Variants in SRGAP3 observed in about 807,000 individuals in gnomAD.
The protein encoded by SRGAP3 is SLIT-ROBO Rho GTPase-activating protein 3.
In SRGAP3, 39 loss-of-function variants were observed where a neutral mutation model predicts 121.1. The observed-to-expected ratio is 0.32, with a 90% CI of 0.25 to 0.42. The LOEUF is 0.42. Ranked by LOEUF, SRGAP3 falls within the 10% of genes least tolerant of loss-of-function variation. The pLI is 1.00. For missense variants in SRGAP3, 1,213 were observed against 1,470.6 expected, an observed-to-expected ratio of 0.82 and a Z score of 2.86; for synonymous variants, 601 against 570.0, an observed-to-expected ratio of 1.05 and a Z score of -0.77.
chr3:9,142,829 CTTTTTTTTTTTT>C (rs397795766), intron 1 of SRGAP3, among the ~76,000 whole-genome samples: 2 of 90,832 alleles, frequency 2.2e-5, no homozygotes, highest in East Asian at 3.5e-4. Flanking sequence ...GGGCAATTTC[CTTTTTTTTTTTT>C]TTTTTTTTTT....
chr3:9,300,459 CT>C (rs1955037560), intron 3 of SRGAP3, among the ~76,000 whole-genome samples: 3 of 152,096 alleles, frequency 2.0e-5, no homozygotes, highest in South Asian at 4.2e-4. Context: ...CCCTGTGCTC[CT>C]TTGGGCACCT....
chr3:9,209,895 G>T (rs1952388662), intron 1 of SRGAP3, among the ~76,000 whole-genome samples: 1 of 152,160 alleles, frequency 6.6e-6, no homozygotes, highest in Non-Finnish European at 1.5e-5. Context: ...CAATCCAAAT[G>T]TCTACCAACT....
At chr3:9,330,789 G>A (rs1243990942) in intron 1 of SRGAP3, among the ~76,000 whole-genome samples, 2 of 152,190 alleles carry the variant, frequency 1.3e-5, no homozygotes, top group Non-Finnish European at 2.9e-5. Context: ...TACAGAAACA[G>A]TGAGATTGAT....
At chr3:9,130,993 T>C (rs1324018564) in intron 1 of SRGAP3, among the ~76,000 whole-genome samples, 1 of 152,154 alleles carries the variant, frequency 6.6e-6, no homozygotes, top group Non-Finnish European at 1.5e-5. Context: ...CAAAATCAAG[T>C]CCTTCTTGCA....
chr3:9,028,231 C>A (rs926194829), intron 12 of SRGAP3: 8 of 1,517,040 alleles, frequency 5.3e-6, no homozygotes, highest in Non-Finnish European at 6.4e-6. Context: ...AGTCCGTGAA[C>A]GCCGAAATGC....
At chr3:9,124,618 C>T in intron 2 of SRGAP3, 107 bp downstream of exon 2, 1 of 1,433,046 alleles carries the variant, frequency 7.0e-7, no homozygotes, top group Admixed American at 1.7e-5. Flanking sequence ...GAAGGCACAC[C>T]CTCTGCCTCC....
chr3:9,268,797 G>C (rs1954418265), intron 3 of SRGAP3, among the ~76,000 whole-genome samples: 1 of 152,116 alleles, frequency 6.6e-6, no homozygotes, highest in Non-Finnish European at 1.5e-5. Flanking sequence ...TGTAAATCAG[G>C]TCACACTGGC....
intron 1 of SRGAP3, among the ~76,000 whole-genome samples, chr3:9,335,581 C>T (rs78098443): frequency 1.4e-3 from 217 of 152,292 alleles, no homozygotes; most frequent in African/African-American, 5.1e-3. Flanking sequence ...TCCTTTTGGA[C>T]AGTAGTTCTC....
At chr3:9,264,817 G>C in intron 3 of SRGAP3, among the ~76,000 whole-genome samples, 1 of 150,310 alleles carries the variant, frequency 6.7e-6, no homozygotes, top group East Asian at 1.9e-4. Context: ...TATAGATTCA[G>C]TGCTATTCCC....
chr3:9,067,588 G>C (rs554539416), intron 4 of SRGAP3, among the ~76,000 whole-genome samples: 1 of 152,234 alleles, frequency 6.6e-6, no homozygotes, highest in African/African-American at 2.4e-5. Context: ...GATAATCAAA[G>C]CAGGCGCCTA....
At chr3:9,197,592 T>C (rs1468809302) in intron 1 of SRGAP3, among the ~76,000 whole-genome samples, 1 of 152,204 alleles carries the variant, frequency 6.6e-6, no homozygotes, top group African/African-American at 2.4e-5. Flanking sequence ...ATGGGTATTA[T>C]TATTTAACAG....
At chr3:9,090,794 A>G (rs1485747280) in intron 3 of SRGAP3, among the ~76,000 whole-genome samples, 1 of 151,908 alleles carries the variant, frequency 6.6e-6, no homozygotes, top group Admixed American at 6.6e-5. Flanking sequence ...GCACCACCAC[A>G]CCTAGCTAAT....
chr3:9,192,519 C>T (rs1951784675), intron 1 of SRGAP3: 1 of 152,186 alleles, frequency 6.6e-6, no homozygotes, highest in Non-Finnish European at 1.5e-5. Context: ...TTTTGTCACA[C>T]ATCATTGCTG....
chr3:9,014,145 T>C, intron 15 of SRGAP3: 1 of 447,542 alleles, frequency 2.2e-6, no homozygotes, highest in South Asian at 2.1e-5. Flanking sequence ...TGGAGCACAG[T>C]GGGGGCCCCT....
intron 14 of SRGAP3, among the ~76,000 whole-genome samples, chr3:9,018,103 A>C (rs554756604): frequency 1.3e-5 from 2 of 152,266 alleles, no homozygotes; most frequent in African/African-American, 4.8e-5. Context: ...GAACATTCAG[A>C]AATCTTCTTT....
rs549248970 is a variant in SRGAP3 at position 9,257,226 on chromosome 3, T to G, written n.442+68784A>C. ...AAAATTCATGGGTTGAAATTCTTAC[T>G]CTCGATGTGATGCTATTTGGAAATG... On this transcript the variant is annotated intron_variant and non_coding_transcript_variant, in intron 3 of 3. Coordinates refer to the SRGAP3 transcript ENST00000490889. 49 of 165,348 alleles carry G rather than the reference T, an allele frequency of 3.0e-4. 1 individual carries two copies. The highest frequency in any genetic ancestry group is 9.6e-4 in the Admixed American group (15 of 15,620). The allele number at this position is 165,348 out of a possible 1,614,324, so 10.2% of individuals were successfully genotyped here.
chr3:9,182,732 C>T (rs1487242568), intron 1 of SRGAP3, among the ~76,000 whole-genome samples: 1 of 152,152 alleles, frequency 6.6e-6, no homozygotes, highest in Non-Finnish European at 1.5e-5. Flanking sequence ...CAGCTCACTG[C>T]AGCCGTGAAC....
chr3:9,247,003 G>A (rs1032620097), intron 1 of SRGAP3, among the ~76,000 whole-genome samples: 5 of 152,280 alleles, frequency 3.3e-5, no homozygotes, highest in African/African-American at 9.6e-5. Flanking sequence ...AACTGGCCCT[G>A]AAGAAAAGTT....
chr3:9,334,069 A>G (rs1955651325), intron 1 of SRGAP3, among the ~76,000 whole-genome samples: 1 of 152,078 alleles, frequency 6.6e-6, no homozygotes, highest in Non-Finnish European at 1.5e-5. Flanking sequence ...TAATATTAAT[A>G]TCATTTAACA....
Sources: allele counts gnomAD v4.1 joint callset (sites outside exome capture counted in the v4.1 genomes callset), GRCh38; gene constraint gnomAD v4.1.1; transcripts MANE v1.5; gene names NCBI Gene and HGNC (gene_info 2026-07-23, HGNC 2026-07-21).